Variants in FRMD3 observed in about 807,000 individuals in gnomAD.
FRMD3 encodes FERM domain-containing protein 3.
A neutral mutation model predicts 70.2 loss-of-function variants in FRMD3; 33 were observed. The observed-to-expected ratio is 0.47, with a 90% confidence interval of 0.36 to 0.63. The LOEUF (loss-of-function observed/expected upper bound fraction) is 0.63, where lower values mean the gene tolerates loss of function less well. FRMD3 is among the 20% of genes least tolerant of loss of function. The pLI is 0.00. For synonymous variants in FRMD3, 279 were observed against 255.9 expected, an observed-to-expected ratio of 1.09 and a Z score of -0.86; for missense variants, 632 against 711.4, an observed-to-expected ratio of 0.89 and a Z score of 1.27.
chr9:83,369,041 G>T (rs1474757611), intron 3 of FRMD3, among the ~76,000 whole-genome samples: 2 of 151,960 alleles, frequency 1.3e-5, no homozygotes, highest in African/African-American at 4.8e-5. Context: ...TATTAGTAGA[G>T]ACAGGGTTTC....
chr9:83,287,257 T>G (rs539619490), intron 13 of FRMD3, among the ~76,000 whole-genome samples: 1 of 152,310 alleles, frequency 6.6e-6, no homozygotes, highest in East Asian at 1.9e-4. Flanking sequence ...ACATTTTTGG[T>G]TGTCAAGACC....
chr9:83,391,526 T>C (rs760038769), intron 1 of FRMD3, among the ~76,000 whole-genome samples: 4 of 152,200 alleles, frequency 2.6e-5, no homozygotes, highest in Non-Finnish European at 4.4e-5. Context: ...AGGCAGTGCA[T>C]TGTAATAATA....
chr9:83,534,706 T>C (rs1468063338), intron 1 of FRMD3, among the ~76,000 whole-genome samples: 1 of 152,206 alleles, frequency 6.6e-6, no homozygotes, highest in Non-Finnish European at 1.5e-5. Flanking sequence ...GTATCAAACC[T>C]AACAAGGCAT....
chr9:83,499,832 A>G (rs1225482720), intron 1 of FRMD3, among the ~76,000 whole-genome samples: 3 of 152,232 alleles, frequency 2.0e-5, no homozygotes, highest in Non-Finnish European at 4.4e-5. Context: ...ATAATTGTCA[A>G]AACTTGGAAG....
At chr9:83,544,298 C>T in the FRMD3 span, among the ~76,000 whole-genome samples, 2 of 152,076 alleles carry the variant, frequency 1.3e-5, no homozygotes, top group African/African-American at 4.8e-5. Context: ...GCCCCCTGAC[C>T]CCCTGAGGAG....
chr9:83,325,836 C>T (rs1042836588), intron 6 of FRMD3, among the ~76,000 whole-genome samples: 1 of 152,172 alleles, frequency 6.6e-6, no homozygotes, highest in Non-Finnish European at 1.5e-5. Flanking sequence ...GTTTTACATT[C>T]TTACATAGTT....
rs774629759 is a variant in FRMD3 at position 83,321,997 on chromosome 9, T to G, written c.597-8250A>C. Among the ~76,000 whole-genome samples, 64 of 152,002 alleles carry G rather than the reference T, an allele frequency of 4.2e-4. 1 individual carries two copies. Among genetic ancestry groups the G allele is most frequent in the Non-Finnish European group, 7.8e-4 (53 of 67,988 alleles). On this transcript the variant is annotated intron_variant, in intron 6 of 13. Transcript: ENST00000304195. ...AAAGAGAGCCTAGTTTCCTTGTCCCTCCTCAACTGGACATGGTTGCAGCCA... is the reference window on the plus strand; with the variant it reads ...AAAGAGAGCCTAGTTTCCTTGTCCCGCCTCAACTGGACATGGTTGCAGCCA...
At chr9:83,396,701 G>A (rs1825820258) in intron 1 of FRMD3, among the ~76,000 whole-genome samples, 1 of 152,210 alleles carries the variant, frequency 6.6e-6, no homozygotes, top group South Asian at 2.1e-4. Flanking sequence ...AGGTGCAGTG[G>A]GATTGAGGAT....
intron 10 of FRMD3, among the ~76,000 whole-genome samples, chr9:83,309,259 T>TACACACACACACACACACAC (rs3029557): frequency 7.2e-6 from 1 of 138,308 alleles, no homozygotes; most frequent in African/African-American, 2.8e-5. Context: ...CTATTTGAAA[T>TACACACACACACACACACAC]ACACACACAC....
At position 83,380,305 on chromosome 9, in the gene FRMD3, G is replaced by C. The variant is rs184408505; in HGVS notation, c.253-7350C>G. Among the ~76,000 whole-genome samples, 22 of 152,150 alleles carry C rather than the reference G, an allele frequency of 1.4e-4. No individual in the cohort carries two copies. In the East Asian group the frequency reaches 2.9e-3, roughly 20 times the overall value. On this transcript the variant is annotated intron_variant, in intron 2 of 13. Transcript: ENST00000304195. ...GAGAAAGAAGATGAGCTACACAAAG[G>C]GGGTGAAAAAGCAGAGAGATTCCTA...
At chr9:83,543,525 T>C (rs1468410576), upstream of FRMD3, among the ~76,000 whole-genome samples, 1 of 152,162 alleles carries the variant, frequency 6.6e-6, no homozygotes, top group African/African-American at 2.4e-5. Context: ...GCACCCATTT[T>C]GGGACTCTAT....
chr9:83,389,524 G>C (rs1212436134), intron 2 of FRMD3, 80 bp downstream of exon 2: 2 of 892,142 alleles, frequency 2.2e-6, no homozygotes, highest in East Asian at 4.8e-5. Context: ...GCATCACTAG[G>C]GCTTTGAGAG....
intron 1 of FRMD3, among the ~76,000 whole-genome samples, chr9:83,477,481 T>TA (rs1404057593): frequency 6.6e-6 from 1 of 152,136 alleles, no homozygotes; most frequent in Non-Finnish European, 1.5e-5. Context: ...GATTCTGATT[T>TA]AATGAGTCTG....
rs1208727746 is a variant in FRMD3 at position 83,507,738 on chromosome 9, A to ATATC, written c.147+30346_147+30347insGATA. 6.2e-5 allele frequency among the ~76,000 whole-genome samples: 7 copies of ATATC among 112,446 alleles called. 1 individual carries two copies. Among genetic ancestry groups the ATATC allele is most frequent in the Non-Finnish European group, 1.1e-4 (6 of 54,290 alleles). 73.8% of individuals were successfully genotyped at this position (112,446 alleles called of 152,430 possible). A position where few individuals can be genotyped will look rare whatever the true frequency, so the allele number is the denominator to read the frequency against. ...TATATATATATATATATATATATATATCTTCTGGAATATTTCCTGAAGGAC... is the reference window on the plus strand; with the variant it reads ...TATATATATATATATATATATATATATATCTCTTCTGGAATATTTCCTGAAGGAC... On this transcript the variant is annotated intron_variant, in intron 1 of 13. Coordinates refer to ENST00000304195, the MANE Select transcript of FRMD3 (RefSeq NM_174938.6).
chr9:83,289,356 T>C (rs937696887), intron 13 of FRMD3, among the ~76,000 whole-genome samples: 2 of 152,212 alleles, frequency 1.3e-5, no homozygotes, highest in South Asian at 4.1e-4. Context: ...TCATCATCTC[T>C]TGTAGCCCAG....
At chr9:83,455,513 G>A (rs1205807131) in intron 1 of FRMD3, among the ~76,000 whole-genome samples, 1 of 152,154 alleles carries the variant, frequency 6.6e-6, no homozygotes, top group African/African-American at 2.4e-5. Flanking sequence ...CCACTGCCAT[G>A]TAAGAAGTGC....
chr9:83,247,032 A>ACTC lies in FRMD3; in HGVS notation c.*883_*885dup. ...ACATCTGTTACCTTTTTTCCTTTAA[A>ACTC]CTCTCACTTTCTTTTTAAAACATCT... On this transcript the variant is annotated 3_prime_UTR_variant, in exon 14 of 14. Coordinates refer to ENST00000304195, the MANE Select transcript of FRMD3 (RefSeq NM_174938.6). 1.0e-6 allele frequency: 1 copy of ACTC among 985,144 alleles called. No homozygotes were observed. Among genetic ancestry groups the ACTC allele is most frequent in the Non-Finnish European group, 1.2e-6 (1 of 829,874 alleles). 61.0% of individuals were successfully genotyped at this position (985,144 alleles called of 1,614,324 possible). A position where few individuals can be genotyped will look rare whatever the true frequency, so the allele number is the denominator to read the frequency against.
intron 1 of FRMD3, among the ~76,000 whole-genome samples, chr9:83,457,253 G>C (rs72746815): frequency 0.16 from 24,306 of 152,162 alleles, 1,982 homozygotes; most frequent in East Asian, 0.2. Context: ...TCCAGCACTG[G>C]TCTGAAGTTC....
chr9:83,521,900 C>G (rs1829579163), intron 1 of FRMD3, among the ~76,000 whole-genome samples: 1 of 152,242 alleles, frequency 6.6e-6, no homozygotes, highest in Admixed American at 6.5e-5. Context: ...CATTTATTAG[C>G]CAGACAATGT....
Sources: allele counts gnomAD v4.1 joint callset (sites outside exome capture counted in the v4.1 genomes callset), GRCh38; gene constraint gnomAD v4.1.1; transcripts MANE v1.5; gene names NCBI Gene and HGNC (gene_info 2026-07-23, HGNC 2026-07-21).